SNX29: variants seen among roughly 807,000 people sequenced by gnomAD.
The protein encoded by SNX29 is sorting nexin 29, also known as sorting nexin-29.
A neutral mutation model predicts 102.1 loss-of-function variants in SNX29; 78 were observed. The observed-to-expected ratio is 0.76, with a 90% CI of 0.64 to 0.92. The LOEUF (loss-of-function observed/expected upper bound fraction) is 0.92, where lower values mean the gene tolerates loss of function less well. Ranked by LOEUF, SNX29 falls within the 40% of genes least tolerant of loss-of-function variation. The pLI, the probability that SNX29 is intolerant of heterozygous loss-of-function variation, is 0.00. For synonymous variants in SNX29, 580 were observed against 414.5 expected (o/e 1.40, Z -4.85); for missense variants, 1,280 against 1,061.7 (o/e 1.21, Z -2.86).
chr16:12,396,289 C>G (rs141232830), intron 16 of SNX29, among the ~76,000 whole-genome samples: 1 of 152,160 alleles, frequency 6.6e-6, no homozygotes, highest in Non-Finnish European at 1.5e-5. Flanking sequence ...TGTCTTTCAC[C>G]TTGGTCCTTT....
chr16:12,555,852 C>T (rs994932863), intron 20 of SNX29, among the ~76,000 whole-genome samples: 1 of 152,210 alleles, frequency 6.6e-6, no homozygotes, highest in Non-Finnish European at 1.5e-5. Flanking sequence ...CCCTCACCAC[C>T]TCCATCATTT....
chr16:12,338,706 T>A (rs1488194279), intron 15 of SNX29, among the ~76,000 whole-genome samples: 1 of 152,224 alleles, frequency 6.6e-6, no homozygotes, highest in Non-Finnish European at 1.5e-5. Context: ...GACATCATCC[T>A]TGACCTGTTG....
In SNX29 at chr16:12,005,378, AGTGT is replaced by A. The variant is rs143437862; in HGVS notation, c.122+2344_122+2347del. 6.2e-3 allele frequency among the ~76,000 whole-genome samples: 940 copies of A among 151,936 alleles called. 10 individuals carry two copies. Among genetic ancestry groups the A allele is most frequent in the African/African-American group, 0.022 (898 of 41,406 alleles). ...GGAGCAGGATGTGTATATGTGCATG[AGTGT>A]GTGTGTGTATGCCTGAAGCCGAGGA... On this transcript the variant is annotated intron_variant, in intron 3 of 20. Coordinates refer to ENST00000566228, the MANE Select transcript of SNX29 (RefSeq NM_032167.5).
chr16:12,182,439 G>A (rs1455636156), intron 13 of SNX29, among the ~76,000 whole-genome samples: 1 of 152,132 alleles, frequency 6.6e-6, no homozygotes, highest in Non-Finnish European at 1.5e-5. Flanking sequence ...CTTCACAAAA[G>A]TAATTACTCT....
At chr16:12,332,174 T>C (rs1439157823) in intron 15 of SNX29, among the ~76,000 whole-genome samples, 1 of 152,150 alleles carries the variant, frequency 6.6e-6, no homozygotes, top group Non-Finnish European at 1.5e-5. Context: ...AGAAAATTGA[T>C]GGTCAGGGAA....
At chr16:12,568,331 G>C (rs547575416) in intron 20 of SNX29, among the ~76,000 whole-genome samples, 175 bp from the exon 21 acceptor site, 1 of 142,812 alleles carries the variant, frequency 7.0e-6, no homozygotes, top group East Asian at 2.2e-4. Context: ...AAAGGTTTAC[G>C]TGACAATAGG....
chr16:12,444,387 C>T (rs1432782093), intron 18 of SNX29, among the ~76,000 whole-genome samples: 1 of 152,262 alleles, frequency 6.6e-6, no homozygotes, highest in Non-Finnish European at 1.5e-5. Flanking sequence ...CCTTATTGCA[C>T]TGGATGCTGA....
chr16:12,406,568 A>C (rs936955299), intron 18 of SNX29, among the ~76,000 whole-genome samples: 2 of 152,202 alleles, frequency 1.3e-5, no homozygotes, highest in African/African-American at 2.4e-5. Context: ...CGCTGTCTGT[A>C]CCAGAGCTCC....
intron 12 of SNX29, among the ~76,000 whole-genome samples, chr16:12,128,171 A>G (rs994344524): frequency 1.3e-5 from 2 of 152,358 alleles, no homozygotes; most frequent in South Asian, 4.1e-4. Flanking sequence ...TAAACTTTCA[A>G]TAGAGGGCTT....
intron 3 of SNX29, among the ~76,000 whole-genome samples, chr16:12,013,498 AAAATATATATATATATATATATAT>A (rs1468049904): frequency 3.0e-5 from 1 of 33,528 alleles, no homozygotes; most frequent in African/African-American, 1.1e-4. Flanking sequence ...GAAAAAAAAA[AAAATATATATATATATATATATAT>A]ATATATATAT....
At chr16:12,468,034 C>T (rs550846601) in intron 18 of SNX29, among the ~76,000 whole-genome samples, 1 of 152,172 alleles carries the variant, frequency 6.6e-6, no homozygotes, top group South Asian at 2.1e-4. Flanking sequence ...CGTCTTGGAT[C>T]CCTCGTCCTC....
chr16:12,286,148 GT>G (rs113933392), intron 15 of SNX29, among the ~76,000 whole-genome samples: 75 of 144,890 alleles, frequency 5.2e-4, no homozygotes, highest in African/African-American at 1.2e-3. Context: ...TGTCCTGTTT[GT>G]TTTTTTTTTT....
intron 14 of SNX29, among the ~76,000 whole-genome samples, chr16:12,221,058 G>T (rs1029952327): frequency 1.3e-5 from 2 of 151,874 alleles, no homozygotes; most frequent in African/African-American, 4.8e-5. Context: ...TAATTTTAGC[G>T]CCCTGAATTG....
At chr16:12,232,690 C>T (rs1025689296) in intron 14 of SNX29, among the ~76,000 whole-genome samples, 3 of 152,168 alleles carry the variant, frequency 2.0e-5, no homozygotes, top group Non-Finnish European at 1.5e-5. Flanking sequence ...GGACCCTTTT[C>T]CTTTTCTTTT....
intron 19 of SNX29, among the ~76,000 whole-genome samples, chr16:12,493,271 C>T (rs1181412030): frequency 6.6e-6 from 1 of 152,020 alleles, no homozygotes; most frequent in Non-Finnish European, 1.5e-5. Context: ...AGTTGGATTC[C>T]TAGGTATTTT....
At chr16:12,058,694 A>T (rs1057384271) in intron 8 of SNX29, among the ~76,000 whole-genome samples, 1 of 148,484 alleles carries the variant, frequency 6.7e-6, no homozygotes, top group Non-Finnish European at 1.5e-5. Context: ...GGGTTTCACC[A>T]TGTTGGCCAG....
In SNX29 at chr16:12,515,136, C is replaced by T. The variant is rs190706290; in HGVS notation, c.2179-9566C>T. On this transcript the variant is annotated intron_variant, in intron 19 of 20. Transcript: ENST00000566228. ...TGTCACATAGTCCTGTGGGAGGGCT[C>T]CCTAACCCCCATTCAGATCAGGCAC... Among the ~76,000 whole-genome samples the T allele has an allele frequency of 2.8e-4, 43 of 152,128 alleles. 1 individual carries two copies. The highest frequency in any genetic ancestry group is 6.5e-4 in the Admixed American group (10 of 15,298).
chr16:12,560,410 A>C (rs986706545), intron 20 of SNX29, among the ~76,000 whole-genome samples: 9 of 152,172 alleles, frequency 5.9e-5, no homozygotes, highest in African/African-American at 2.2e-4. Flanking sequence ...CAAAAGCCAC[A>C]GTGTCTGTCC....
At chr16:12,513,203 C>T (rs968601573) in intron 19 of SNX29, among the ~76,000 whole-genome samples, 28 of 151,314 alleles carry the variant, frequency 1.9e-4, no homozygotes, top group African/African-American at 6.6e-4. Flanking sequence ...TCTCCCTTGC[C>T]CTGCCCTACT....
Sources: allele counts gnomAD v4.1 joint callset (sites outside exome capture counted in the v4.1 genomes callset), GRCh38; gene constraint gnomAD v4.1.1; transcripts MANE v1.5; gene names NCBI Gene and HGNC (gene_info 2026-07-23, HGNC 2026-07-21).